The following GTF2E1 variants were observed in gnomAD, a reference collection of about 807,000 sequenced individuals.
The protein encoded by GTF2E1 is general transcription factor IIE subunit 1, also known as TFIIE alpha subunit.
In GTF2E1, 14 loss-of-function variants were observed where a neutral mutation model predicts 34.9. The observed-to-expected ratio is 0.40, with a 90% confidence interval of 0.27 to 0.63. The LOEUF is 0.63. Among genes scored for constraint, GTF2E1 ranks in the 20% least tolerant of loss-of-function variants. GTF2E1 has a pLI of 0.39. For missense variants in GTF2E1, 469 were observed against 557.7 expected, an observed-to-expected ratio of 0.84 and a Z score of 1.60; for synonymous variants, 188 against 192.9, an observed-to-expected ratio of 0.97 and a Z score of 0.21.
rs1231614201 is a variant in GTF2E1 at position 120,742,768 on chromosome 3, AGTGGGAGTGTT to A, written c.-56_-46del. ...TAGTTGAAGCGCTGGGGGCAGCTGT[AGTGGGAGTGTT>A]CCAGGATTCGCCTTGGTAAACCTTG... On this transcript the variant is annotated 5_prime_UTR_variant, in exon 1 of 5. Transcript: ENST00000283875. 10 of 534,314 alleles carry A rather than the reference AGTGGGAGTGTT, an allele frequency of 1.9e-5. No individual in the cohort carries two copies. In the African/African-American group the frequency reaches 1.9e-4, roughly 10 times the overall value. The allele number at this position is 534,314 out of a possible 1,614,324, so 33.1% of individuals were successfully genotyped here.
In GTF2E1 at chr3:120,770,877, G is replaced by T. The variant is rs749915812; in HGVS notation, c.598G>T (p.Ala200Ser). 7 of 1,613,474 alleles carry T rather than the reference G, an allele frequency of 4.3e-6. No individual in the cohort carries two copies. In the Admixed American group the frequency reaches 5.0e-5, roughly 12 times the overall value. ...LLRETEDVNL[A>S]YEILEPEPTE... ...TCGGGAGACAGAGGATGTGAACTTG[G>T]CCTATGAAATACTTGAGCCAGAACC... The change falls in exon 3 of 5, where the codon GCC becomes TCC. Residue 200 changes from alanine (A) to serine (S), a missense_variant. Physicochemically the swap from Ala to Ser is moderately conservative, Grantham distance 99. Transcript: ENST00000283875.
chr3:120,770,272 T>TA (rs1559833802), intron 2 of GTF2E1, among the ~76,000 whole-genome samples: 5 of 152,198 alleles, frequency 3.3e-5, no homozygotes, highest in Admixed American at 2.6e-4. Flanking sequence ...TAATAAATTT[T>TA]AAAAAATAGC....
chr3:120,766,498 T>C (rs1709308838), intron 2 of GTF2E1, among the ~76,000 whole-genome samples: 1 of 152,080 alleles, frequency 6.6e-6, no homozygotes, highest in South Asian at 2.1e-4. Flanking sequence ...TGTTTTCCTA[T>C]CAGACTGAAA....
intron 3 of GTF2E1, 146 bp downstream of exon 3, chr3:120,771,075 G>T: frequency 1.4e-6 from 1 of 718,050 alleles, no homozygotes; most frequent in Non-Finnish European, 2.5e-6. Context: ...TGCCACATTT[G>T]TCTGATTAAC....
intron 1 of GTF2E1, among the ~76,000 whole-genome samples, chr3:120,749,034 A>G (rs1709138457): frequency 6.6e-6 from 1 of 152,196 alleles, no homozygotes; most frequent in Admixed American, 6.5e-5. Flanking sequence ...GAGTTCACTC[A>G]TGATTTGGCT....
intron 2 of GTF2E1, among the ~76,000 whole-genome samples, chr3:120,769,423 A>G (rs999575136): frequency 6.6e-6 from 1 of 152,178 alleles, no homozygotes; most frequent in African/African-American, 2.4e-5. Context: ...ACAGACTTAG[A>G]GAATGTGGGC....
chr3:120,756,905 GAC>G (rs1407311414), intron 2 of GTF2E1, among the ~76,000 whole-genome samples: 1 of 152,034 alleles, frequency 6.6e-6, no homozygotes, highest in East Asian at 1.9e-4. Flanking sequence ...CAGTCTGGGC[GAC>G]AGAGTGAAAC....
chr3:120,761,930 A>G (rs1330866789), intron 2 of GTF2E1, among the ~76,000 whole-genome samples: 2 of 151,812 alleles, frequency 1.3e-5, no homozygotes, highest in African/African-American at 2.4e-5. Context: ...AGCTGGGACT[A>G]CAGGTGCCCA....
intron 2 of GTF2E1, among the ~76,000 whole-genome samples, chr3:120,757,282 C>T (rs1490638738): frequency 3.9e-5 from 6 of 152,130 alleles, no homozygotes; most frequent in Non-Finnish European, 7.3e-5. Flanking sequence ...ATGATTAGAC[C>T]AAATCCAGAT....
chr3:120,779,088 A>T (rs1195479858), intron 4 of GTF2E1, among the ~76,000 whole-genome samples: 2 of 152,150 alleles, frequency 1.3e-5, no homozygotes, highest in Non-Finnish European at 2.9e-5. Context: ...CTACTTTACC[A>T]TCCAGAAATT....
intron 1 of GTF2E1, among the ~76,000 whole-genome samples, chr3:120,748,845 A>G (rs1454237180): frequency 2.0e-5 from 3 of 152,158 alleles, no homozygotes; most frequent in Non-Finnish European, 4.4e-5. Flanking sequence ...CTTGGGCAGT[A>G]TGGCCATTTT....
Position 120,750,388 on chromosome 3 carries a change from G to T in GTF2E1, c.-30-135G>T, listed in dbSNP as rs1709154306. On this transcript the variant is annotated intron_variant, in intron 1 of 4. Transcript: ENST00000283875. ...TTTGTGCATTCTAGAGGAAAATCTTGTTCTGCTCTGTTAAATGCTTAGGTA... is the reference window on the plus strand; with the variant it reads ...TTTGTGCATTCTAGAGGAAAATCTTTTTCTGCTCTGTTAAATGCTTAGGTA... The T allele has an allele frequency of 1.8e-5, 11 of 597,086 alleles. No homozygotes were observed. The South Asian group carries it at 2.4e-4, about 13-fold the overall frequency. The allele number at this position is 597,086 out of a possible 1,614,324, so 37.0% of individuals were successfully genotyped here.
At chr3:120,770,597 G>C (rs550860155) in intron 2 of GTF2E1, 131 bp from the exon 3 acceptor site, 1 of 673,876 alleles carries the variant, frequency 1.5e-6, no homozygotes, top group Non-Finnish European at 2.7e-6. Flanking sequence ...TCACATGGCT[G>C]TTCACTGTGA....
At chr3:120,760,342 G>A (rs555012473) in intron 2 of GTF2E1, among the ~76,000 whole-genome samples, 59 of 152,290 alleles carry the variant, frequency 3.9e-4, no homozygotes, top group African/African-American at 1.4e-3. Context: ...AAACGATGGA[G>A]TTTTCTAAAT....
intron 2 of GTF2E1, among the ~76,000 whole-genome samples, chr3:120,755,096 T>C (rs1559830615): frequency 6.6e-6 from 1 of 152,162 alleles, no homozygotes; most frequent in East Asian, 1.9e-4. Flanking sequence ...CATAAAGAAG[T>C]CTTTGATAAT....
chr3:120,774,851 T>A (rs2107612861), intron 3 of GTF2E1, among the ~76,000 whole-genome samples: 1 of 152,210 alleles, frequency 6.6e-6, no homozygotes, highest in South Asian at 2.1e-4. Context: ...GGTGGAATAA[T>A]GAAAAGTATG....
At chr3:120,776,746 A>C (rs1426958653) in intron 4 of GTF2E1, 82 bp downstream of exon 4, 11 of 1,236,242 alleles carry the variant, frequency 8.9e-6, no homozygotes, top group Non-Finnish European at 1.3e-5. Context: ...TGCCTGGGCA[A>C]TTCTGGATCT....
At chr3:120,775,947 C>G (rs886450607) in intron 3 of GTF2E1, among the ~76,000 whole-genome samples, 3 of 152,118 alleles carry the variant, frequency 2.0e-5, no homozygotes, top group African/African-American at 7.2e-5. Context: ...ATGATCAGCA[C>G]ACAAAAGAAA....
rs549253219 is a variant in GTF2E1 at position 120,779,348 on chromosome 3, C to A, written c.893-1695C>A. Among the ~76,000 whole-genome samples the A allele has an allele frequency of 2.0e-5, 3 of 152,104 alleles. No homozygotes were observed. In the East Asian group the frequency reaches 5.8e-4, roughly 29 times the overall value. On this transcript the variant is annotated intron_variant, in intron 4 of 4. Coordinates refer to ENST00000283875, the MANE Select transcript of GTF2E1 (RefSeq NM_005513.3). ...TTAAAGGCTTGCATGCATTCCTTAC[C>A]TTCTTTTCTTTCTGTTGTAGTGCTG...
Sources: allele counts gnomAD v4.1 joint callset (sites outside exome capture counted in the v4.1 genomes callset), GRCh38; gene constraint gnomAD v4.1.1; transcripts MANE v1.5; gene names NCBI Gene and HGNC (gene_info 2026-07-23, HGNC 2026-07-21).